The following CHD8 variants were observed in gnomAD, a reference collection of about 807,000 sequenced individuals.
CHD8 encodes the protein chromodomain helicase DNA binding protein 8, also known as ATP-dependent chromatin remodeler CHD8.
A neutral mutation model predicts 279.2 loss-of-function variants in CHD8; 31 were observed. That is an observed-to-expected ratio of 0.11 (90% CI 0.08 to 0.15). CHD8 has a LOEUF of 0.15. Among genes scored for constraint, CHD8 ranks in the 10% least tolerant of loss-of-function variants. The pLI is 1.00. For missense variants in CHD8, 2,146 were observed against 3,230.5 expected, an observed-to-expected ratio of 0.66 and a Z score of 8.14; for synonymous variants, 1,081 against 1,139.6, an observed-to-expected ratio of 0.95 and a Z score of 1.04.
At chr14:21,404,272 G>A (rs997714112) in intron 16 of CHD8, among the ~76,000 whole-genome samples, 4 of 151,554 alleles carry the variant, frequency 2.6e-5, no homozygotes, top group South Asian at 4.2e-4. Context: ...GGTAGCAGGC[G>A]CCTGTAATCC....
chr14:21,386,563 C>A lies in CHD8; in HGVS notation c.7183-387G>T, dbSNP rs372122638. ...ATAAAAAAAATCACTTGTGACCGGG[C>A]GCGGTGGCTCACGCCTGTAATCCCA... On this transcript the variant is annotated intron_variant, in intron 37 of 37. Coordinates refer to ENST00000646647, the MANE Select transcript of CHD8 (RefSeq NM_001170629.2). Among the ~76,000 whole-genome samples, 27 of 152,286 alleles carry A rather than the reference C, an allele frequency of 1.8e-4. No homozygotes were observed. In the East Asian group the frequency reaches 3.1e-3, roughly 17 times the overall value.
intron 37 of CHD8, among the ~76,000 whole-genome samples, chr14:21,388,878 C>G (rs1887399399): frequency 6.6e-6 from 1 of 152,060 alleles, no homozygotes; most frequent in South Asian, 2.1e-4. Flanking sequence ...CAAGGGATGA[C>G]TGTATGTGTA....
chr14:21,386,213 A>G, intron 37 of CHD8, 37 bp from the exon 38 acceptor site: 1 of 1,512,654 alleles, frequency 6.6e-7, no homozygotes, highest in Non-Finnish European at 8.9e-7. Flanking sequence ...AAAAGAAAGA[A>G]AGGGGAAAAA....
intron 30 of CHD8, chr14:21,394,695 G>A: frequency 3.2e-6 from 2 of 626,574 alleles, no homozygotes; most frequent in East Asian, 5.6e-5. Context: ...AAAAGACACA[G>A]ACAAATATCA....
chr14:21,434,950 C>A (rs994168387), intron 1 of CHD8, among the ~76,000 whole-genome samples: 2 of 152,170 alleles, frequency 1.3e-5, no homozygotes, highest in African/African-American at 4.8e-5. Flanking sequence ...CTCATGAATT[C>A]TCTTTCCTTG....
chr14:21,404,974 G>T (rs746959517), intron 16 of CHD8: 1 of 511,772 alleles, frequency 2.0e-6, no homozygotes, highest in East Asian at 3.4e-5. Context: ...TAGAACCACA[G>T]ATGCCTGCCA....
chr14:21,396,489 G>C (rs1413547486), intron 27 of CHD8: 1 of 152,106 alleles, frequency 6.6e-6, no homozygotes, highest in African/African-American at 2.4e-5. Flanking sequence ...TGTATTGTTA[G>C]TAGAGATGGG....
chr14:21,393,610 T>G lies in CHD8; in HGVS notation c.6185A>C (p.Lys2062Thr). 1 of 1,613,926 alleles carries G rather than the reference T, an allele frequency of 6.2e-7. No homozygotes were observed. Among genetic ancestry groups the G allele is most frequent in the African/African-American group, 1.3e-5 (1 of 75,032 alleles). ...PLVSRSVPPV[K>T]LEDEDDSDSE... ...GTCCGAATCATCCTCATCCTCCAGT[T>G]TGACTGGTGGAACACTCCGGGAAAC... Residue 2062 changes from lysine to threonine, a missense_variant, in exon 32 of 38, where the codon AAA (lysine) becomes ACA (threonine). Lys to Thr is a moderately conservative substitution (Grantham distance 78). Coordinates refer to ENST00000646647, the MANE Select transcript of CHD8 (RefSeq NM_001170629.2).
Position 21,403,150 on chromosome 14 carries a change from C to T in CHD8, c.3581G>A (p.Arg1194His). 6.2e-7 allele frequency: 1 copy of T among 1,614,002 alleles called. No individual in the cohort carries two copies. Among genetic ancestry groups the T allele is most frequent in the Non-Finnish European group, 8.5e-7 (1 of 1,179,896 alleles). Residue 1194 changes from arginine to histidine, a missense_variant, in exon 18 of 38, where the codon CGC becomes CAC. Physicochemically the swap from Arg to His is conservative, Grantham distance 29 (BLOSUM62 0). This residue lies in a region of CHD8 where 48 missense variants were observed against 135.7 expected (regional missense o/e 0.35). Transcript: ENST00000646647. This position sits in a 1 kb window ranked among gnomAD's most constrained non-coding sequence, Gnocchi z 4.3. ...RGNLRQAAID[R>H]FSKPDSDRFV... is the part of the protein sequence containing the mutation. The stretch of plus-strand genomic sequence containing the variant: ...GCGGTCTGAGTCAGGCTTGCTGAAG[C>T]GGTCAATGGCAGCCTGTCGAAGGTT...
chr14:21,431,665 A>G lies in CHD8; in HGVS notation c.-22T>C, dbSNP rs1482212716. ...CCATCTTGGGAAAGTAATGGAGGGTACTTCTCCAAGGTCTAGGGAGGGAAG... is the reference window on the plus strand; with the variant it reads ...CCATCTTGGGAAAGTAATGGAGGGTGCTTCTCCAAGGTCTAGGGAGGGAAG... On this transcript the variant is annotated 5_prime_UTR_variant, in exon 2 of 38. Coordinates refer to ENST00000646647, the MANE Select transcript of CHD8 (RefSeq NM_001170629.2). 3.2e-6 allele frequency: 5 copies of G among 1,561,248 alleles called. No individual in the cohort carries two copies. The highest frequency in any genetic ancestry group is 1.9e-5 in the Admixed American group (1 of 52,316).
In CHD8 at chr14:21,397,874, G is replaced by A; in HGVS notation, c.5000C>T (p.Ala1667Val). The part of the protein sequence containing the change: ...LEKAGRPDDK[A>V]IAAEHRVLDN... ...CAACACTCGATGTTCTGCTGCAATT[G>A]CTTTGTCATCTGGTCGGCCAGCCTT... Residue 1667 changes from alanine (A) to valine (V), a missense_variant, in exon 27 of 38, where the codon GCA becomes GTA. By Grantham distance (64) the Ala-to-Val change is moderately conservative (BLOSUM62 0). Coordinates refer to ENST00000646647, the MANE Select transcript of CHD8 (RefSeq NM_001170629.2). 1 of 1,613,292 alleles carries A rather than the reference G, an allele frequency of 6.2e-7. No homozygotes were observed.
chr14:21,390,452 T>A (rs902220848), intron 37 of CHD8, among the ~76,000 whole-genome samples: 1 of 152,120 alleles, frequency 6.6e-6, no homozygotes, highest in Admixed American at 6.5e-5. Context: ...CTCCTAGAGA[T>A]GAAGATACCA....
intron 2 of CHD8, chr14:21,429,659 C>A: frequency 2.4e-6 from 1 of 411,786 alleles, no homozygotes; most frequent in East Asian, 6.0e-5. Context: ...GTCCCTTGCT[C>A]CTGGGAGGTC....
chr14:21,454,217 G>GAAAAC (rs1890330684), intron 1 of CHD8, among the ~76,000 whole-genome samples: 1 of 145,370 alleles, frequency 6.9e-6, no homozygotes, highest in Non-Finnish European at 1.5e-5. Flanking sequence ...GAAAAGAAAA[G>GAAAAC]AAAACTGACA....
chr14:21,442,533 G>A (rs1305070944), intron 1 of CHD8, among the ~76,000 whole-genome samples: 1 of 151,206 alleles, frequency 6.6e-6, no homozygotes, highest in Non-Finnish European at 1.5e-5. Context: ...CAGCTACTTG[G>A]GAGGCTAAGG....
rs1887993468 is a variant in CHD8 at position 21,400,725 on chromosome 14, G to C, written c.4371-113C>G. ...AAAGATCTTAAAAAACATGGTAACAGAATAAACAGAACAAACTCCCTCCAA... is the reference window on the plus strand; with the variant it reads ...AAAGATCTTAAAAAACATGGTAACACAATAAACAGAACAAACTCCCTCCAA... On this transcript the variant is annotated intron_variant, in intron 22 of 37. Transcript: ENST00000646647. The surrounding 1 kb of genome is among the most constrained non-coding windows in gnomAD (Gnocchi z 4.2). 1.6e-6 allele frequency: 2 copies of C among 1,271,206 alleles called. No homozygotes were observed. The allele number at this position is 1,271,206 out of a possible 1,614,324, so 78.7% of individuals were successfully genotyped here. A position where few individuals can be genotyped will look rare whatever the true frequency, so the allele number is the denominator to read the frequency against.
intron 1 of CHD8, among the ~76,000 whole-genome samples, chr14:21,440,372 AATTTTTGT>A (rs1219448144): frequency 1.3e-5 from 2 of 151,932 alleles, no homozygotes; most frequent in Non-Finnish European, 2.9e-5. Flanking sequence ...ATGCCCGGCT[AATTTTTGT>A]ATTTTTAGTA....
At position 21,415,837 on chromosome 14, in the gene CHD8, T is replaced by C; in HGVS notation, c.1787A>G (p.Asp596Gly). ...TACATCCACCTCTTCTTCTTCTTCA[T>C]CATCTGTGATCTTTATATCCAGGTC... is the stretch of plus-strand genomic sequence containing the variant. ...TEDLDIKITD[D>G]EEEEEVDVTG... The change falls in exon 6 of 38, where the codon GAT becomes GGT. Residue 596 changes from aspartate (D) to glycine (G), a missense_variant. By Grantham distance (94) the Asp-to-Gly change is moderately conservative. This residue lies in a region of CHD8 where 123 missense variants were observed against 169.2 expected (regional missense o/e 0.73). Coordinates refer to ENST00000646647, the MANE Select transcript of CHD8 (RefSeq NM_001170629.2). 1 of 1,614,026 alleles carries C rather than the reference T, an allele frequency of 6.2e-7. No individual in the cohort carries two copies. Among genetic ancestry groups the C allele is most frequent in the Non-Finnish European group, 8.5e-7 (1 of 1,179,886 alleles).
intron 34 of CHD8, 47 bp downstream of exon 34, chr14:21,392,460 A>G: frequency 6.4e-7 from 1 of 1,560,226 alleles, no homozygotes; most frequent in Non-Finnish European, 8.7e-7. Context: ...TACAGCAAGG[A>G]TTCCAGCCTC....
Sources: allele counts gnomAD v4.1 joint callset (sites outside exome capture counted in the v4.1 genomes callset), GRCh38; gene constraint gnomAD v4.1.1; regional missense constraint gnomAD v4.1.1; non-coding constraint Gnocchi (gnomAD v3.1); transcripts MANE v1.5; gene names NCBI Gene and HGNC (gene_info 2026-07-23, HGNC 2026-07-21).